Variants in NLN observed in about 807,000 individuals in gnomAD.
The protein encoded by NLN is neurolysin, mitochondrial.
A neutral mutation model predicts 79.9 loss-of-function variants in NLN; 64 were observed. The observed-to-expected ratio is 0.80, with a 90% CI of 0.65 to 0.99. The LOEUF (loss-of-function observed/expected upper bound fraction) is 0.99. NLN is among the 50% of genes least tolerant of loss of function. NLN has a pLI of 0.00. For missense variants in NLN, 835 were observed against 858.7 expected (o/e 0.97, Z 0.34); for synonymous variants, 267 against 296.6 (o/e 0.90, Z 1.02).
rs933093081 is a variant in NLN, at chr5:65,823,267, G to C, written c.*352G>C. 4.7e-5 allele frequency: 8 copies of C among 169,236 alleles called. No homozygotes were observed. The East Asian group carries it at 1.4e-3, about 29-fold the overall frequency. 10.5% of individuals were successfully genotyped at this position (169,236 alleles called of 1,614,324 possible). ...TTGAATCATATATATGATATAATTT[G>C]ATCCTTCTTGTATCTTGAAGTTTTG... On this transcript the variant is annotated 3_prime_UTR_variant, in exon 13 of 13. Transcript: ENST00000380985.
At chr5:65,727,743 A>T (rs1295609467) in intron 1 of NLN, among the ~76,000 whole-genome samples, 1 of 152,148 alleles carries the variant, frequency 6.6e-6, no homozygotes, top group Non-Finnish European at 1.5e-5. Context: ...TCCTCTTGCA[A>T]TTAGAAAAGA....
At chr5:65,806,677 T>C (rs942600364) in intron 9 of NLN, among the ~76,000 whole-genome samples, 2 of 152,238 alleles carry the variant, frequency 1.3e-5, no homozygotes, top group African/African-American at 4.8e-5. Flanking sequence ...TGAATATCGT[T>C]GAAATGACTG....
chr5:65,762,934 G>A, intron 2 of NLN, 26 bp from the exon 3 acceptor site: 1 of 1,610,752 alleles, frequency 6.2e-7, no homozygotes, highest in Non-Finnish European at 8.5e-7. Context: ...CTGTTGTGTG[G>A]TGATAGTTTT....
In NLN at chr5:65,826,922, G is replaced by T. The variant is rs1760929441; in HGVS notation, c.*4007G>T. The T allele has an allele frequency of 6.6e-6, 1 of 151,290 alleles. No individual in the cohort carries two copies. The highest frequency in any genetic ancestry group is 2.1e-4 in the South Asian group (1 of 4,784). 9.4% of individuals were successfully genotyped at this position (151,290 alleles called of 1,614,324 possible). On this transcript the variant is annotated 3_prime_UTR_variant, in exon 13 of 13. Coordinates refer to ENST00000380985, the MANE Select transcript of NLN (RefSeq NM_020726.5). ...GTCTTAAAATAAAATAAAAAAAAAAGGAAAAGGAAAGACATACATACCCTC... is the reference window on the plus strand; with the variant it reads ...GTCTTAAAATAAAATAAAAAAAAAATGAAAAGGAAAGACATACATACCCTC...
At chr5:65,737,842 T>C (rs113567584) in intron 1 of NLN, among the ~76,000 whole-genome samples, 47 of 152,220 alleles carry the variant, frequency 3.1e-4, no homozygotes, top group African/African-American at 9.9e-4. Context: ...ATCAAAAAAT[T>C]AGAGTTGACT....
chr5:65,774,205 A>G (rs1403126028), intron 3 of NLN, among the ~76,000 whole-genome samples: 2 of 152,134 alleles, frequency 1.3e-5, no homozygotes, highest in East Asian at 1.9e-4. Context: ...ATTCATATTA[A>G]AACTCTTTGT....
chr5:65,809,283 C>T (rs184934230), intron 9 of NLN: 59 of 371,596 alleles, frequency 1.6e-4, no homozygotes, highest in African/African-American at 1.1e-3. Context: ...ACTTTGTCTA[C>T]AATTCAAAGG....
At chr5:65,783,931 A>G (rs533775230) in intron 6 of NLN, among the ~76,000 whole-genome samples, 1 of 152,338 alleles carries the variant, frequency 6.6e-6, no homozygotes, top group Non-Finnish European at 1.5e-5. Flanking sequence ...ACAGATAATT[A>G]TATAGTGTTT....
intron 6 of NLN, among the ~76,000 whole-genome samples, chr5:65,782,729 CATCTTTAG>C (rs1293144859): frequency 6.6e-6 from 1 of 152,162 alleles, no homozygotes; most frequent in Non-Finnish European, 1.5e-5. Flanking sequence ...CTTTTCCTTC[CATCTTTAG>C]AAACTGGCCA....
At position 65,788,371 on chromosome 5, in the gene NLN, A is replaced by G; in HGVS notation, c.1212A>G (p.Ser404=). The G allele has an allele frequency of 6.2e-7, 1 of 1,614,190 alleles. No individual in the cohort carries two copies. Among genetic ancestry groups the G allele is most frequent in the Non-Finnish European group, 8.5e-7 (1 of 1,180,028 alleles). Residue 404 remains serine (S), a synonymous_variant, in exon 8 of 13, where the codon TCA becomes TCG. Transcript: ENST00000380985. ...LNTYQELLGL[S]FEQMTDAHVW... is the part of the protein sequence containing the mutation. ...CCTACCAGGAGTTGTTGGGACTTTC[A>G]TTTGAACAAATGACAGATGCTCATG... is the stretch of plus-strand genomic sequence containing the variant.
chr5:65,768,897 A>G (rs1759509198), intron 3 of NLN, among the ~76,000 whole-genome samples: 1 of 152,238 alleles, frequency 6.6e-6, no homozygotes, highest in Non-Finnish European at 1.5e-5. Flanking sequence ...CCAAAAGCCT[A>G]TTTACAAATA....
intron 9 of NLN, among the ~76,000 whole-genome samples, chr5:65,795,735 A>C (rs1018538665): frequency 6.6e-6 from 1 of 152,170 alleles, no homozygotes; most frequent in Non-Finnish European, 1.5e-5. Context: ...AGGATTCCTG[A>C]AATATTTATC....
At position 65,775,467 on chromosome 5, in the gene NLN, A is replaced by G. The variant is rs145144041; in HGVS notation, c.451-1960A>G. Among the ~76,000 whole-genome samples the G allele has an allele frequency of 4.9e-3, 742 of 152,058 alleles. 2 individuals carry two copies. The highest frequency in any genetic ancestry group is 0.017 in the African/African-American group (693 of 41,474). ...TGCTCGCCTGGGTCCTTAACAACTT[A>G]CCCAGCTCTTGCCAGGCCCTTCTCA... is the stretch of plus-strand genomic sequence containing the variant. On this transcript the variant is annotated intron_variant, in intron 3 of 12. Transcript: ENST00000380985.
At chr5:65,733,072 A>G (rs879570109) in intron 1 of NLN, 13 of 1,380,938 alleles carry the variant, frequency 9.4e-6, no homozygotes, top group African/African-American at 9.3e-5. Flanking sequence ...ACCATTGCCC[A>G]TAACTAATTT....
chr5:65,773,879 G>C (rs1447587307), intron 3 of NLN, among the ~76,000 whole-genome samples: 1 of 152,084 alleles, frequency 6.6e-6, no homozygotes, highest in East Asian at 1.9e-4. Context: ...GGAGTTCAAG[G>C]CTGCAATGAG....
chr5:65,750,682 C>T (rs1345237780), intron 1 of NLN, among the ~76,000 whole-genome samples: 2 of 151,956 alleles, frequency 1.3e-5, no homozygotes, highest in African/African-American at 2.4e-5. Context: ...TACCACTGCA[C>T]TCCAGCCTGG....
At chr5:65,805,392 G>C (rs368197641) in intron 9 of NLN, among the ~76,000 whole-genome samples, 1 of 152,196 alleles carries the variant, frequency 6.6e-6, no homozygotes, top group South Asian at 2.1e-4. Context: ...AAAGGAAAAA[G>C]TTCCTGAAAG....
At chr5:65,741,692 A>G (rs1249568290) in intron 1 of NLN, among the ~76,000 whole-genome samples, 1 of 152,218 alleles carries the variant, frequency 6.6e-6, no homozygotes, top group Admixed American at 6.5e-5. Flanking sequence ...AAAGGGGAAT[A>G]TCTGAGTTGT....
chr5:65,786,617 G>T (rs191484353), intron 7 of NLN, among the ~76,000 whole-genome samples: 2 of 152,106 alleles, frequency 1.3e-5, no homozygotes, highest in East Asian at 3.9e-4. Flanking sequence ...AGCACTTCGG[G>T]AGGCCGAGGT....
Sources: allele counts gnomAD v4.1 joint callset (sites outside exome capture counted in the v4.1 genomes callset), GRCh38; gene constraint gnomAD v4.1.1; transcripts MANE v1.5; gene names NCBI Gene and HGNC (gene_info 2026-07-23, HGNC 2026-07-21).